The following CTCF variants were observed in gnomAD, a reference collection of about 807,000 sequenced individuals.
The protein encoded by CTCF is CCCTC-binding factor.
A neutral mutation model predicts 72.3 loss-of-function variants in CTCF; 7 were observed. That is an observed-to-expected ratio of 0.10 (90% CI 0.06 to 0.18). The LOEUF (loss-of-function observed/expected upper bound fraction) is 0.18, where lower values mean the gene tolerates loss of function less well. CTCF is among the 10% of genes least tolerant of loss of function. The pLI is 1.00. For synonymous variants in CTCF, 374 were observed against 315.8 expected (o/e 1.18, Z -1.95); for missense variants, 516 against 949.1 (o/e 0.54, Z 6.00).
chr16:67,589,778 C>T (rs1451709939), intron 2 of CTCF, among the ~76,000 whole-genome samples: 2 of 152,062 alleles, frequency 1.3e-5, no homozygotes, highest in African/African-American at 4.8e-5. Flanking sequence ...ACCTAATACC[C>T]GATTTCTTCC....
At chr16:67,625,480 G>A (rs1450409852) in intron 7 of CTCF, among the ~76,000 whole-genome samples, 2 of 152,216 alleles carry the variant, frequency 1.3e-5, no homozygotes, top group African/African-American at 2.4e-5. Context: ...GATTACAGGC[G>A]TGAGCCACTG....
At chr16:67,630,116 T>G (rs796690826) in intron 10 of CTCF, among the ~76,000 whole-genome samples, 11 of 152,080 alleles carry the variant, frequency 7.2e-5, no homozygotes, top group African/African-American at 2.7e-4. Flanking sequence ...TAAAGCAAAA[T>G]TAATATTTTT....
At chr16:67,592,181 G>A (rs992775972) in intron 2 of CTCF, among the ~76,000 whole-genome samples, 1 of 152,130 alleles carries the variant, frequency 6.6e-6, no homozygotes, top group East Asian at 1.9e-4. Context: ...GGAGGATGAG[G>A]CGGGCACATC....
chr16:67,575,529 C>T (rs2051484051), intron 2 of CTCF, among the ~76,000 whole-genome samples: 1 of 152,076 alleles, frequency 6.6e-6, no homozygotes, highest in South Asian at 2.1e-4. Flanking sequence ...ACTGCAGCCT[C>T]TGCTTCCCGG....
intron 4 of CTCF, chr16:67,614,575 T>TA (rs907677587): frequency 1.3e-5 from 2 of 151,520 alleles, no homozygotes; most frequent in African/African-American, 4.9e-5. Context: ...TGTGGTGGCT[T>TA]ACGCCTGTAA....
At chr16:67,566,025 A>C (rs539438069) in intron 1 of CTCF, among the ~76,000 whole-genome samples, 73 of 152,278 alleles carry the variant, frequency 4.8e-4, no homozygotes, top group African/African-American at 1.4e-3. Flanking sequence ...CATCTACGTT[A>C]TAGACTCCAC....
rs372353703 is a variant in CTCF, at chr16:67,610,829, G to A, written c.-4G>A. ...TGTGTTCTCCCTTAATAAAGGCAGG[G>A]GAAATGGAAGGTGATGCAGTCGAAG... On this transcript the variant is annotated 5_prime_UTR_variant, in exon 3 of 12. Transcript: ENST00000264010. The A allele has an allele frequency of 2.1e-6, 3 of 1,462,394 alleles. No individual in the cohort carries two copies. Among genetic ancestry groups the A allele is most frequent in the African/African-American group, 2.8e-5 (2 of 71,166 alleles). 90.6% of individuals were successfully genotyped at this position (1,462,394 alleles called of 1,614,324 possible).
chr16:67,612,169 C>G (rs752003758), intron 4 of CTCF, 48 bp downstream of exon 4: 2 of 1,546,874 alleles, frequency 1.3e-6, no homozygotes, highest in African/African-American at 2.8e-5. Context: ...GCTCAGACTT[C>G]GCTTTTTAGT....
In CTCF at chr16:67,619,435, CAAAA is replaced by C. The variant is rs201909370; in HGVS notation, c.1087-1257_1087-1254del. The stretch of plus-strand genomic sequence containing the variant: ...TGGGCAACGGAGCGAGATTTCATCT[CAAAA>C]AAAACCAAAAAAAACTCAGAGACAT... On this transcript the variant is annotated intron_variant, in intron 5 of 11. Transcript: ENST00000264010. Among the ~76,000 whole-genome samples, 1,453 of 150,892 alleles carry C rather than the reference CAAAA, an allele frequency of 9.6e-3. 27 individuals carry two copies. Among genetic ancestry groups the C allele is most frequent in the African/African-American group, 0.033 (1,367 of 41,042 alleles).
intron 2 of CTCF, among the ~76,000 whole-genome samples, chr16:67,603,406 G>T (rs1428831996): frequency 6.6e-6 from 1 of 151,874 alleles, no homozygotes; most frequent in Non-Finnish European, 1.5e-5. Context: ...GCTGGTGGGT[G>T]CCTGTAGTCC....
At chr16:67,583,739 T>C (rs1241213032) in intron 2 of CTCF, among the ~76,000 whole-genome samples, 1 of 152,044 alleles carries the variant, frequency 6.6e-6, no homozygotes, top group African/African-American at 2.4e-5. Context: ...TGGTGAGTAG[T>C]AAGCAAGAGT....
At chr16:67,604,974 T>TG (rs1332283096) in intron 2 of CTCF, among the ~76,000 whole-genome samples, 1 of 130,380 alleles carries the variant, frequency 7.7e-6, no homozygotes, top group East Asian at 2.1e-4. Flanking sequence ...ATTTTTTTTT[T>TG]TTTTTTTTTT....
rs529582914 is a variant in CTCF at position 67,598,284 on chromosome 16, G to C, written c.-9-12540G>C. 3.9e-5 allele frequency among the ~76,000 whole-genome samples: 6 copies of C among 152,232 alleles called. No homozygotes were observed. The South Asian group carries it at 8.3e-4, about 21-fold the overall frequency. ...GAGTCACTGCACCTGGCCAGTGGAAGAGTTTTATAATCTTCAAATAGACCC... is the reference window on the plus strand; with the variant it reads ...GAGTCACTGCACCTGGCCAGTGGAACAGTTTTATAATCTTCAAATAGACCC... On this transcript the variant is annotated intron_variant, in intron 2 of 11. Transcript: ENST00000264010.
At chr16:67,637,022 A>G (rs1161596642) in intron 11 of CTCF, among the ~76,000 whole-genome samples, 171 bp downstream of exon 11, 1 of 152,156 alleles carries the variant, frequency 6.6e-6, no homozygotes, top group African/African-American at 2.4e-5. Context: ...ACTGAGGAAC[A>G]TCTGAGGAAG....
At chr16:67,578,809 G>A (rs556155691) in intron 2 of CTCF, among the ~76,000 whole-genome samples, 3 of 151,472 alleles carry the variant, frequency 2.0e-5, no homozygotes, top group East Asian at 2.0e-4. Flanking sequence ...TTAGCTGGGC[G>A]TGGTGGCAGG....
chr16:67,584,334 C>CGTCTTTTTTT (rs1567596519), intron 2 of CTCF, among the ~76,000 whole-genome samples: 4 of 121,924 alleles, frequency 3.3e-5, no homozygotes, highest in African/African-American at 1.5e-4. Context: ...AAAAAAAAGT[C>CGTCTTTTTTT]TTCTTTTTTT....
intron 1 of CTCF, among the ~76,000 whole-genome samples, chr16:67,566,517 A>T (rs1289710842): frequency 1.7e-5 from 2 of 118,186 alleles, no homozygotes; most frequent in African/African-American, 4.3e-5. Context: ...CTCAAAATTA[A>T]AAAAAAAAAA....
chr16:67,565,918 C>CAG (rs2051337512), intron 1 of CTCF, among the ~76,000 whole-genome samples: 1 of 152,188 alleles, frequency 6.6e-6, no homozygotes, highest in South Asian at 2.1e-4. Flanking sequence ...GAATCCTGGG[C>CAG]AGAGCCTTGC....
chr16:67,573,027 C>T (rs1336810119), intron 2 of CTCF, among the ~76,000 whole-genome samples: 1 of 120,046 alleles, frequency 8.3e-6, no homozygotes, highest in African/African-American at 3.2e-5. Flanking sequence ...CTGAGGTGGG[C>T]GGATCACAAG....
Sources: gnomAD v4.1 joint callset for allele counts (sites outside exome capture counted in the v4.1 genomes callset) on GRCh38, gnomAD v4.1.1 for gene constraint, MANE v1.5 for transcripts, NCBI Gene and HGNC (gene_info 2026-07-23, HGNC 2026-07-21) for gene names.